The following MAP3K15 variants were observed in gnomAD, a reference collection of about 807,000 sequenced individuals.
MAP3K15 encodes the protein MAPK/ERK kinase kinase 15.
A neutral mutation model predicts 99.5 loss-of-function variants in MAP3K15; 124 were observed. That is an observed-to-expected ratio of 1.25 (90% CI 1.08 to 1.45). The LOEUF (loss-of-function observed/expected upper bound fraction) is 1.45. Among genes scored for constraint, MAP3K15 ranks in the 40% most tolerant of loss-of-function variants. The pLI, the probability that MAP3K15 is intolerant of heterozygous loss-of-function variation, is 0.00. For synonymous variants in MAP3K15, 494 were observed against 439.6 expected (o/e 1.12, Z -1.55); for missense variants, 1,242 against 1,079.7 (o/e 1.15, Z -2.11).
chrX:19,428,064 G>A (rs758983381), intron 7 of MAP3K15, among the ~76,000 whole-genome samples: 43 of 111,653 alleles, frequency 3.9e-4, no homozygotes, highest in Admixed American at 3.5e-3. Flanking sequence ...CAACTTAGGG[G>A]CAGAGAAGAT....
intron 9 of MAP3K15, among the ~76,000 whole-genome samples, chrX:19,424,292 A>G (rs996416719): frequency 2.4e-5 from 2 of 83,537 alleles, no homozygotes; most frequent in Non-Finnish European, 4.3e-5. Context: ...ACATATATAT[A>G]CACATATATA....
Position 19,415,220 on chromosome X carries a change from G to A in MAP3K15, c.1477C>T (p.Arg493Trp), listed in dbSNP as rs757126412. ...RSLVQNLLLI[R>W]RFKKTIIEHS... ...TCAATAATGGTTTTCTTGAAGCGCC[G>A]AATTAGTAACAAGTTCTGAACTAAT... is the stretch of plus-strand genomic sequence containing the variant. The change falls in exon 10 of 29, where the codon CGG becomes TGG. Residue 493 changes from arginine to tryptophan, a missense_variant. By Grantham distance (101) the Arg-to-Trp change is moderately radical. Coordinates refer to ENST00000338883, the MANE Select transcript of MAP3K15 (RefSeq NM_001001671.4). 28 of 1,178,500 alleles carry A rather than the reference G, an allele frequency of 2.4e-5. No homozygotes were observed. Among genetic ancestry groups the A allele is most frequent in the African/African-American group, 1.6e-4 (9 of 56,747 alleles).
chrX:19,485,547 T>G (rs867718655), intron 3 of MAP3K15, among the ~76,000 whole-genome samples: 2 of 110,589 alleles, frequency 1.8e-5, no homozygotes, highest in African/African-American at 6.6e-5. Context: ...CTGAAACTTA[T>G]GTCTCAGGTG....
chrX:19,472,009 C>T (rs1218886018), intron 3 of MAP3K15, among the ~76,000 whole-genome samples: 11 of 110,667 alleles, frequency 9.9e-5, no homozygotes, highest in African/African-American at 3.6e-4. Flanking sequence ...GATCACGAGG[C>T]CAGGAGATTG....
chrX:19,483,005 T>G (rs1483504217), intron 3 of MAP3K15, among the ~76,000 whole-genome samples: 1 of 110,328 alleles, frequency 9.1e-6, no homozygotes, highest in Non-Finnish European at 1.9e-5. Context: ...TCCCAGCTCT[T>G]TGGGAGGCCA....
intron 9 of MAP3K15, among the ~76,000 whole-genome samples, chrX:19,419,726 C>G (rs1390422049): frequency 8.9e-6 from 1 of 111,890 alleles, no homozygotes; most frequent in East Asian, 2.8e-4. Flanking sequence ...CCCAAATCAA[C>G]AGAATATACA....
At chrX:19,464,518 A>G (rs2064153095) in intron 3 of MAP3K15, 112 bp from the exon 4 acceptor site, 1 of 525,247 alleles carries the variant, frequency 1.9e-6, no homozygotes. Flanking sequence ...GGATGAAAAC[A>G]ATTCGTTCAA....
intron 3 of MAP3K15, chrX:19,466,623 T>G (rs1479934866): frequency 8.9e-6 from 1 of 112,370 alleles, no homozygotes; most frequent in Non-Finnish European, 1.9e-5. Flanking sequence ...TACCCAGTCT[T>G]GGACAGTTCT....
intron 1 of MAP3K15, among the ~76,000 whole-genome samples, chrX:19,512,474 G>T (rs1385565537): frequency 9.0e-6 from 1 of 110,842 alleles, no homozygotes; most frequent in Non-Finnish European, 1.9e-5. Flanking sequence ...TACGGAGCAT[G>T]CATTTATTCG....
At chrX:19,483,762 T>G (rs916974703) in intron 3 of MAP3K15, among the ~76,000 whole-genome samples, 3 of 111,981 alleles carry the variant, frequency 2.7e-5, no homozygotes, top group African/African-American at 9.7e-5. Context: ...ACATTCTATT[T>G]TAATGTTTAA....
At chrX:19,366,390 T>C (rs1379271593) in intron 25 of MAP3K15, among the ~76,000 whole-genome samples, 1 of 111,910 alleles carries the variant, frequency 8.9e-6, no homozygotes, top group East Asian at 2.8e-4. Flanking sequence ...AACTGCCACA[T>C]AGCCAAGGCA....
intron 3 of MAP3K15, among the ~76,000 whole-genome samples, chrX:19,467,831 A>G (rs376837785): frequency 6.3e-5 from 7 of 110,505 alleles, no homozygotes; most frequent in African/African-American, 2.3e-4. Flanking sequence ...TCCGTCTCAA[A>G]ACAAAACAAA....
At chrX:19,463,980 T>G (rs745399813) in intron 4 of MAP3K15, among the ~76,000 whole-genome samples, 1 of 110,919 alleles carries the variant, frequency 9.0e-6, no homozygotes, top group South Asian at 3.9e-4. Context: ...GAAGAGAAGT[T>G]ACATGTCAAG....
chrX:19,382,984 G>A (rs1251178131), intron 18 of MAP3K15, among the ~76,000 whole-genome samples: 1 of 111,791 alleles, frequency 8.9e-6, no homozygotes, highest in African/African-American at 3.3e-5. Context: ...GGGAGGAAGC[G>A]GAGACCTGCT....
chrX:19,490,177 A>ACACACACACAT (rs2064358727), intron 1 of MAP3K15, among the ~76,000 whole-genome samples: 1 of 93,767 alleles, frequency 1.1e-5, no homozygotes, highest in African/African-American at 3.7e-5. Flanking sequence ...ACACACACAC[A>ACACACACACAT]CACACACATA....
intron 6 of MAP3K15, among the ~76,000 whole-genome samples, chrX:19,443,129 T>A (rs755788578): frequency 1.0e-5 from 1 of 97,228 alleles, no homozygotes; most frequent in South Asian, 5.7e-4. Context: ...GCCTCCCGGG[T>A]TCAAGTGATT....
intron 9 of MAP3K15, among the ~76,000 whole-genome samples, chrX:19,421,563 C>A (rs969153989): frequency 2.7e-5 from 3 of 110,232 alleles, no homozygotes; most frequent in South Asian, 3.9e-4. Flanking sequence ...TTCCATGCTC[C>A]TGGGTAGGAA....
At chrX:19,485,775 C>G (rs1158800532) in intron 3 of MAP3K15, among the ~76,000 whole-genome samples, 1 of 111,034 alleles carries the variant, frequency 9.0e-6, no homozygotes, top group Non-Finnish European at 1.9e-5. Flanking sequence ...AAGGGCCTGT[C>G]CTGAGTCTAG....
chrX:19,492,077 G>C (rs1035894027), intron 1 of MAP3K15, among the ~76,000 whole-genome samples: 2 of 108,396 alleles, frequency 1.8e-5, no homozygotes, highest in Non-Finnish European at 3.8e-5. Context: ...CTCCCACCTC[G>C]GCCTCTTAGA....
Sources: gnomAD v4.1 joint callset for allele counts (sites outside exome capture counted in the v4.1 genomes callset) on GRCh38, gnomAD v4.1.1 for gene constraint, MANE v1.5 for transcripts, NCBI Gene and HGNC (gene_info 2026-07-23, HGNC 2026-07-21) for gene names.